Variants in SYTL5 observed in about 807,000 individuals in gnomAD.
SYTL5 encodes synaptotagmin-like protein 5.
Under a neutral mutation model 55.9 loss-of-function variants are expected in SYTL5, and 34 were observed. The ratio of observed to expected loss-of-function variants is 0.61; its 90% confidence interval spans 0.46 to 0.81. The LOEUF is 0.81. SYTL5 is among the 30% of genes least tolerant of loss of function. The pLI is 0.00. For missense variants in SYTL5, 637 were observed against 546.7 expected (o/e 1.17, Z -1.65); for synonymous variants, 221 against 188.7 (o/e 1.17, Z -1.40).
At chrX:38,077,715 T>G (rs1936426400) in intron 6 of SYTL5, among the ~76,000 whole-genome samples, 1 of 112,137 alleles carries the variant, frequency 8.9e-6, no homozygotes, top group Non-Finnish European at 1.9e-5. Flanking sequence ...TATCAAAATA[T>G]TAATACTGTA....
chrX:38,015,729 A>G (rs1473391553), intron 1 of SYTL5, among the ~76,000 whole-genome samples: 2 of 109,631 alleles, frequency 1.8e-5, no homozygotes, highest in Non-Finnish European at 3.8e-5. Context: ...TAGTCTATTC[A>G]CAGTGCGTTT....
At chrX:37,962,794 T>C in the SYTL5 span, among the ~76,000 whole-genome samples, 1 of 112,236 alleles carries the variant, frequency 8.9e-6, no homozygotes, top group Non-Finnish European at 1.9e-5. Flanking sequence ...TATCTCATTG[T>C]GGTTTTGATT....
At chrX:38,030,568 T>A (rs5917522) in intron 1 of SYTL5, among the ~76,000 whole-genome samples, 2 of 111,188 alleles carry the variant, frequency 1.8e-5, no homozygotes, top group Non-Finnish European at 3.8e-5. Flanking sequence ...CCAAAGGTAA[T>A]CTCCCAGGTG....
the SYTL5 span, among the ~76,000 whole-genome samples, chrX:37,900,864 G>A: frequency 9.0e-6 from 1 of 111,471 alleles, no homozygotes; most frequent in African/African-American, 3.3e-5. Flanking sequence ...TGTGGAGGGG[G>A]CTTCAGAGCC....
chrX:37,907,870 G>A, the SYTL5 span, among the ~76,000 whole-genome samples: 2 of 111,448 alleles, frequency 1.8e-5, no homozygotes, highest in Non-Finnish European at 1.9e-5. Flanking sequence ...ATATATTGTT[G>A]TGAACTTTAA....
intron 1 of SYTL5, among the ~76,000 whole-genome samples, chrX:38,032,506 T>C (rs901392805): frequency 1.2e-4 from 13 of 111,372 alleles, no homozygotes; most frequent in African/African-American, 3.9e-4. Flanking sequence ...AACACTCATT[T>C]TGAGAGCAAA....
At chrX:37,998,110 C>T in the SYTL5 span, among the ~76,000 whole-genome samples, 2 of 112,230 alleles carry the variant, frequency 1.8e-5, no homozygotes, top group Non-Finnish European at 3.8e-5. Context: ...AAAGGAGCTG[C>T]CCCCTGTGGG....
chrX:38,121,492 C>T (rs1250301380), intron 14 of SYTL5, among the ~76,000 whole-genome samples: 1 of 111,910 alleles, frequency 8.9e-6, no homozygotes, highest in Non-Finnish European at 1.9e-5. Flanking sequence ...GTGCTTAAAA[C>T]AATACTAAAT....
chrX:38,102,912 G>A, intron 10 of SYTL5: 1 of 508,438 alleles, frequency 2.0e-6, no homozygotes, highest in Admixed American at 4.1e-5. Flanking sequence ...CCTTTTTTGA[G>A]AGGAAGGCCC....
the SYTL5 span, among the ~76,000 whole-genome samples, chrX:37,941,345 C>G: frequency 5.8e-4 from 64 of 110,876 alleles, no homozygotes; most frequent in Admixed American, 1.9e-3. Context: ...ACCCCTTACC[C>G]CTTTCTGACC....
chrX:37,904,162 A>T, the SYTL5 span, among the ~76,000 whole-genome samples: 1 of 108,214 alleles, frequency 9.2e-6, no homozygotes, highest in Non-Finnish European at 1.9e-5. Flanking sequence ...GCACACACGC[A>T]CACACACACA....
chrX:37,969,750 C>T, the SYTL5 span, among the ~76,000 whole-genome samples: 1 of 111,207 alleles, frequency 9.0e-6, no homozygotes, highest in Admixed American at 9.5e-5. Flanking sequence ...CTCCAAGCCT[C>T]AGCCTCCTGA....
chrX:38,056,380 G>T (rs750791424), intron 3 of SYTL5, among the ~76,000 whole-genome samples: 2 of 111,928 alleles, frequency 1.8e-5, no homozygotes, highest in South Asian at 7.4e-4. Context: ...TGAGCACTTA[G>T]GTTGCTTCCA....
the SYTL5 span, among the ~76,000 whole-genome samples, chrX:37,940,655 T>C: frequency 9.3e-6 from 1 of 107,884 alleles, no homozygotes; most frequent in Non-Finnish European, 1.9e-5. Flanking sequence ...ATGTTATCTT[T>C]TGCATGAAAA....
the SYTL5 span, among the ~76,000 whole-genome samples, chrX:37,919,754 A>C: frequency 8.9e-6 from 1 of 112,472 alleles, no homozygotes; most frequent in Non-Finnish European, 1.9e-5. Flanking sequence ...TTTTCTTCTG[A>C]AGACCTTGTT....
In SYTL5 at chrX:38,074,756, G is replaced by A. The variant is rs183629006; in HGVS notation, c.554+1058G>A. ...CATGTTTTCATTGATGAGCAGAGAT[G>A]AGTTGGAAAGATAGCCTAGAGTATC... On this transcript the variant is annotated intron_variant, in intron 5 of 16. Coordinates refer to ENST00000297875, the MANE Select transcript of SYTL5 (RefSeq NM_138780.3). Among the ~76,000 whole-genome samples, 149 of 111,879 alleles carry A rather than the reference G, an allele frequency of 1.3e-3. 1 individual carries two copies. The highest frequency in any genetic ancestry group is 1.8e-3 in the Non-Finnish European group (94 of 53,148).
At chrX:38,046,530 C>T (rs1379026488) in intron 2 of SYTL5, among the ~76,000 whole-genome samples, 2 of 111,617 alleles carry the variant, frequency 1.8e-5, no homozygotes, top group African/African-American at 6.5e-5. Flanking sequence ...TATTTCCCAC[C>T]AGGTCCCTCC....
At chrX:38,094,241 T>A (rs1936868428) in intron 7 of SYTL5, 54 bp from the exon 8 acceptor site, 1 of 1,060,062 alleles carries the variant, frequency 9.4e-7, no homozygotes, top group Non-Finnish European at 1.3e-6. Context: ...TAGATGAATT[T>A]TATAGTAAAT....
the SYTL5 span, among the ~76,000 whole-genome samples, chrX:37,950,837 A>G: frequency 9.0e-6 from 1 of 111,420 alleles, no homozygotes; most frequent in African/African-American, 3.2e-5. Flanking sequence ...ACATATCTTG[A>G]TATGTGTTCA....
Sources: gnomAD v4.1 joint callset for allele counts (sites outside exome capture counted in the v4.1 genomes callset) on GRCh38, gnomAD v4.1.1 for gene constraint, MANE v1.5 for transcripts, NCBI Gene and HGNC (gene_info 2026-07-23, HGNC 2026-07-21) for gene names.